Variants in SLC4A4 observed in about 807,000 individuals in gnomAD.
The protein encoded by SLC4A4 is solute carrier family 4 member 4.
In SLC4A4, 27 loss-of-function variants were observed where a neutral mutation model predicts 111.5. The ratio of observed to expected loss-of-function variants is 0.24; its 90% confidence interval spans 0.18 to 0.33. The LOEUF is 0.33. Ranked by LOEUF, SLC4A4 falls within the 10% of genes least tolerant of loss-of-function variation. The pLI, the probability that SLC4A4 is intolerant of heterozygous loss-of-function variation, is 1.00. For synonymous variants in SLC4A4, 443 were observed against 463.4 expected (o/e 0.96, Z 0.57); for missense variants, 909 against 1,315.5 (o/e 0.69, Z 4.78).
At chr4:71,308,963 A>G (rs1725917732) in intron 3 of SLC4A4, among the ~76,000 whole-genome samples, 1 of 152,200 alleles carries the variant, frequency 6.6e-6, no homozygotes, top group Non-Finnish European at 1.5e-5. Flanking sequence ...AGAGCCCAGC[A>G]AGCTAAGAAC....
chr4:71,372,848 T>G (rs551390431), intron 6 of SLC4A4, among the ~76,000 whole-genome samples: 1 of 149,694 alleles, frequency 6.7e-6, no homozygotes, highest in East Asian at 1.9e-4. Flanking sequence ...TTTTCTTTGT[T>G]TTTTTTTTTT....
At chr4:71,102,426 C>A (rs1272071015) in intron 2 of SLC4A4, among the ~76,000 whole-genome samples, 1 of 151,376 alleles carries the variant, frequency 6.6e-6, no homozygotes, top group African/African-American at 2.4e-5. Flanking sequence ...GAGAACGCCA[C>A]AAACATACTC....
chr4:71,125,982 T>C (rs1743552937), intron 2 of SLC4A4, among the ~76,000 whole-genome samples: 1 of 152,216 alleles, frequency 6.6e-6, no homozygotes, highest in South Asian at 2.1e-4. Context: ...TCATACGTTT[T>C]TTCTGTATTT....
At chr4:71,064,620 A>G (rs1342760389) in intron 1 of SLC4A4, among the ~76,000 whole-genome samples, 1 of 152,234 alleles carries the variant, frequency 6.6e-6, no homozygotes, top group African/African-American at 2.4e-5. Flanking sequence ...CGCAGGAGTA[A>G]GAAATATGTC....
chr4:71,277,178 C>T (rs1162743856), intron 3 of SLC4A4, among the ~76,000 whole-genome samples: 3 of 152,260 alleles, frequency 2.0e-5, no homozygotes, highest in African/African-American at 4.8e-5. Flanking sequence ...ATTGCTTGGT[C>T]GTGTGGTGAA....
chr4:71,224,548 ATTG>A (rs1040716085), intron 1 of SLC4A4, among the ~76,000 whole-genome samples: 4 of 152,106 alleles, frequency 2.6e-5, no homozygotes, highest in Non-Finnish European at 2.9e-5. Context: ...ATCTCATGGG[ATTG>A]TTGTATTAAA....
chr4:71,219,691 G>T (rs1287565357), intron 1 of SLC4A4, among the ~76,000 whole-genome samples: 1 of 152,196 alleles, frequency 6.6e-6, no homozygotes, highest in Non-Finnish European at 1.5e-5. Flanking sequence ...CATTCTAGAT[G>T]CCATTAAAAA....
At chr4:71,136,151 T>G (rs1055845523) in intron 2 of SLC4A4, among the ~76,000 whole-genome samples, 3 of 152,202 alleles carry the variant, frequency 2.0e-5, no homozygotes, top group African/African-American at 7.2e-5. Context: ...CCACAAACCC[T>G]GTTTTAATAC....
At chr4:71,281,028 G>A (rs192303203) in intron 3 of SLC4A4, among the ~76,000 whole-genome samples, 1 of 152,230 alleles carries the variant, frequency 6.6e-6, no homozygotes, top group East Asian at 1.9e-4. Context: ...ATATATATTT[G>A]ATACTTTTTT....
chr4:71,522,137 T>A (rs1732994772), intron 16 of SLC4A4, among the ~76,000 whole-genome samples: 1 of 152,212 alleles, frequency 6.6e-6, no homozygotes, highest in Non-Finnish European at 1.5e-5. Flanking sequence ...TTGACAGTCT[T>A]TTTTGTATTC....
At chr4:71,241,060 A>G (rs1046887931) in intron 2 of SLC4A4, among the ~76,000 whole-genome samples, 16 of 152,156 alleles carry the variant, frequency 1.1e-4, no homozygotes, top group Non-Finnish European at 2.1e-4. Flanking sequence ...TCAAGGCTAC[A>G]GTGAACTGTG....
chr4:71,505,627 C>G (rs918521383), intron 16 of SLC4A4, among the ~76,000 whole-genome samples: 1 of 151,990 alleles, frequency 6.6e-6, no homozygotes, highest in Non-Finnish European at 1.5e-5. Context: ...AAATTTTCTT[C>G]CATTCTGTAG....
intron 1 of SLC4A4, among the ~76,000 whole-genome samples, chr4:71,079,400 A>C (rs1342411433): frequency 6.6e-6 from 1 of 152,198 alleles, no homozygotes; most frequent in Non-Finnish European, 1.5e-5. Context: ...CTGCTGTTTC[A>C]TTCAAAATCC....
At chr4:71,275,136 A>G (rs150738094) in intron 3 of SLC4A4, among the ~76,000 whole-genome samples, 1 of 152,332 alleles carries the variant, frequency 6.6e-6, no homozygotes, top group East Asian at 1.9e-4. Flanking sequence ...CTGCCACAGC[A>G]GGAGTGAACC....
intron 3 of SLC4A4, among the ~76,000 whole-genome samples, chr4:71,308,952 C>G (rs372005514): frequency 7.9e-5 from 12 of 152,332 alleles, no homozygotes; most frequent in African/African-American, 2.9e-4. Flanking sequence ...CCTACTCCCA[C>G]AGAGCCCAGC....
At chr4:71,372,556 C>T (rs1731987618) in intron 6 of SLC4A4, among the ~76,000 whole-genome samples, 1 of 152,148 alleles carries the variant, frequency 6.6e-6, no homozygotes, top group Non-Finnish European at 1.5e-5. Context: ...TCATCTGAGC[C>T]CTTAGAAAAC....
chr4:71,544,167 G>A (rs1735304289), intron 18 of SLC4A4, among the ~76,000 whole-genome samples: 1 of 151,984 alleles, frequency 6.6e-6, no homozygotes, highest in Admixed American at 6.6e-5. Flanking sequence ...GCAAAGCAGG[G>A]AAACATAAAG....
chr4:71,187,131 T>A (rs576525938), upstream of SLC4A4: 4 of 152,074 alleles, frequency 2.6e-5, no homozygotes, highest in Admixed American at 1.3e-4. Flanking sequence ...AAGTTGTGAC[T>A]ACTTGGGCGC....
intron 1 of SLC4A4, among the ~76,000 whole-genome samples, chr4:71,222,976 C>T (rs1718835915): frequency 6.6e-6 from 1 of 152,048 alleles, no homozygotes. Flanking sequence ...GCTGAGCTGG[C>T]AGATGGAAAT....
Sources: allele counts gnomAD v4.1 joint callset (sites outside exome capture counted in the v4.1 genomes callset), GRCh38; gene constraint gnomAD v4.1.1; transcripts MANE v1.5; gene names NCBI Gene and HGNC (gene_info 2026-07-23, HGNC 2026-07-21).